ARSG: variants seen among roughly 807,000 people sequenced by gnomAD.
ARSG encodes the protein arylsulfatase G.
Under a neutral mutation model 50.5 loss-of-function variants are expected in ARSG, and 37 were observed. The observed-to-expected ratio is 0.73, with a 90% CI of 0.56 to 0.96. The LOEUF (loss-of-function observed/expected upper bound fraction) is 0.96, where lower values mean the gene tolerates loss of function less well. ARSG is among the 50% of genes least tolerant of loss of function. ARSG has a pLI of 0.00. For synonymous variants in ARSG, 225 were observed against 254.6 expected (o/e 0.88, Z 1.11); for missense variants, 629 against 675.3 (o/e 0.93, Z 0.76).
chr17:68,278,781 G>A (rs185838566), intron 1 of ARSG, among the ~76,000 whole-genome samples: 15 of 151,876 alleles, frequency 9.9e-5, no homozygotes, highest in Non-Finnish European at 1.6e-4. Flanking sequence ...CATCACACCC[G>A]GCTAATTTTT....
In ARSG at chr17:68,385,167, G is replaced by C. The variant is rs758115040; in HGVS notation, c.1086G>C (p.Leu362Phe). 2.5e-6 allele frequency: 4 copies of C among 1,613,708 alleles called. No individual in the cohort carries two copies. In the South Asian group the frequency reaches 4.4e-5, roughly 18 times the overall value. The change falls in exon 9 of 12, where the codon TTG becomes TTC. Residue 362 changes from leucine (L) to phenylalanine (F), a missense_variant. Transcript: ENST00000621439. ...RVPVNVTSTA[L>F]LSVLDIFPTV... ...CAGTTAATGTCACCAGCACTGCCTT[G>C]TTAAGGTATGAGACCAAAACTACCT...
the ARSG span, chr17:68,430,083 T>C: frequency 6.2e-7 from 1 of 1,614,166 alleles, no homozygotes; most frequent in South Asian, 1.1e-5. Flanking sequence ...GTCTGACACC[T>C]GGGTAGGGAG....
chr17:68,344,306 G>A (rs1369139697), intron 3 of ARSG, among the ~76,000 whole-genome samples: 3 of 152,150 alleles, frequency 2.0e-5, no homozygotes, highest in Non-Finnish European at 2.9e-5. Flanking sequence ...GAGAAACTGG[G>A]GACAGCATTG....
intron 10 of ARSG, 129 bp from the exon 11 acceptor site, chr17:68,401,231 C>T: frequency 3.9e-6 from 3 of 764,952 alleles, no homozygotes; most frequent in South Asian, 1.6e-5. Context: ...CTGTGTTGCC[C>T]AGGCTGGTTT....
At chr17:68,435,084 G>A in the ARSG span, among the ~76,000 whole-genome samples, 9 of 152,044 alleles carry the variant, frequency 5.9e-5, no homozygotes, top group African/African-American at 2.2e-4. Flanking sequence ...GCATGTGCCT[G>A]TAATCTCAGC....
chr17:68,352,118 AGGAGAGAGAGAGAGAGAGACAGAGG>A (rs2078807546), intron 5 of ARSG, among the ~76,000 whole-genome samples: 1 of 71,688 alleles, frequency 1.4e-5, no homozygotes, highest in African/African-American at 4.8e-5. Flanking sequence ...AGAGAGACAG[AGGAGAGAGAGAGAGAGAGACAGAGG>A]AGAGAGAGAG....
At chr17:68,292,090 C>G (rs112675814) in intron 1 of ARSG, among the ~76,000 whole-genome samples, 4,547 of 152,196 alleles carry the variant, frequency 0.03, 233 homozygotes, top group African/African-American at 0.1. Context: ...GCAGTGGGCC[C>G]CAGGGAGCGA....
chr17:68,346,534 T>C (rs2078512187), intron 3 of ARSG, among the ~76,000 whole-genome samples: 2 of 152,106 alleles, frequency 1.3e-5, no homozygotes, highest in South Asian at 2.1e-4. Context: ...GTTCTGACAC[T>C]GTCAGAGCTC....
chr17:68,376,814 A>G (rs914974137), intron 8 of ARSG, among the ~76,000 whole-genome samples: 2 of 151,796 alleles, frequency 1.3e-5, no homozygotes, highest in Admixed American at 1.3e-4. Context: ...ATCTCCAGGA[A>G]TATCCCCAAG....
intron 8 of ARSG, among the ~76,000 whole-genome samples, chr17:68,377,571 T>A (rs1007036430): frequency 1.3e-5 from 2 of 152,202 alleles, no homozygotes; most frequent in Non-Finnish European, 2.9e-5. Flanking sequence ...GTGGGGGTAC[T>A]GCCCAGGAGG....
intron 8 of ARSG, among the ~76,000 whole-genome samples, chr17:68,382,643 C>A (rs1462130060): frequency 3.3e-5 from 5 of 152,144 alleles, no homozygotes; most frequent in Non-Finnish European, 7.3e-5. Context: ...ATCCTAGGGG[C>A]CGATAGAATG....
rs1393554098 is a variant in ARSG at position 68,378,578 on chromosome 17, A to G, written c.983-6486A>G. 2.0e-5 allele frequency among the ~76,000 whole-genome samples: 3 copies of G among 152,134 alleles called. No homozygotes were observed. In the East Asian group the frequency reaches 5.8e-4, roughly 29 times the overall value. Reference sequence around the variant, plus strand: ...CCTTCTCCCGAAGAAGAAGGGCACGAGTCAGACACCCCTGCTGTCTCTGAG... The same window carrying G: ...CCTTCTCCCGAAGAAGAAGGGCACGGGTCAGACACCCCTGCTGTCTCTGAG... On this transcript the variant is annotated intron_variant, in intron 8 of 11. Transcript: ENST00000621439. The surrounding 1 kb of genome is among the most constrained non-coding windows in gnomAD (Gnocchi z 4.4).
At chr17:68,447,231 A>G in the ARSG span, among the ~76,000 whole-genome samples, 16 of 152,234 alleles carry the variant, frequency 1.1e-4, no homozygotes, top group Admixed American at 1.0e-3. Flanking sequence ...AGGAGACTGC[A>G]AAAGAACTGT....
the ARSG span, chr17:68,433,362 C>A: frequency 2.8e-6 from 3 of 1,080,502 alleles, no homozygotes; most frequent in Non-Finnish European, 4.2e-6. Context: ...CCAAGTGAAG[C>A]CAAGATTGGG....
chr17:68,360,084 C>T (rs528522743), intron 6 of ARSG, among the ~76,000 whole-genome samples: 300 of 152,272 alleles, frequency 2.0e-3, no homozygotes, highest in Non-Finnish European at 2.5e-3. Context: ...ATGCCCCCTC[C>T]GAAGTGGGCA....
chr17:68,421,804 C>T (rs1161432151), downstream of ARSG: 5 of 1,614,206 alleles, frequency 3.1e-6, no homozygotes, highest in East Asian at 2.2e-5. Flanking sequence ...CTTCTGATTT[C>T]CACGGCACAA....
chr17:68,331,201 C>CTTTT lies in ARSG; in HGVS notation c.219-12400_219-12399insTTTT, dbSNP rs1369260395. ...GGTTTCTTTCTTTCTTTCTTTCTTT[C>CTTTT]TTTCTTTCTTTCTTTCTTTCTTTCT... On this transcript the variant is annotated intron_variant, in intron 2 of 11. Transcript: ENST00000621439. Among the ~76,000 whole-genome samples the CTTTT allele has an allele frequency of 8.3e-5, 4 of 48,394 alleles. No individual in the cohort carries two copies. In the East Asian group the frequency reaches 1.7e-3, roughly 21 times the overall value. The allele number at this position is 48,394 out of a possible 152,430, so 31.7% of individuals were successfully genotyped here.
At chr17:68,387,691 C>T (rs764265516) in intron 9 of ARSG, among the ~76,000 whole-genome samples, 3 of 152,288 alleles carry the variant, frequency 2.0e-5, no homozygotes, top group Admixed American at 6.5e-5. Flanking sequence ...CGGCACCCTC[C>T]GCCCAGACTG....
chr17:68,361,793 T>C (rs2079301368), intron 6 of ARSG, among the ~76,000 whole-genome samples: 1 of 152,072 alleles, frequency 6.6e-6, no homozygotes, highest in Non-Finnish European at 1.5e-5. Context: ...GGCACATGCC[T>C]GTAATCCCAG....
Sources: gnomAD v4.1 joint callset for allele counts (sites outside exome capture counted in the v4.1 genomes callset) on GRCh38, gnomAD v4.1.1 for gene constraint, Gnocchi (gnomAD v3.1) non-coding constraint, MANE v1.5 for transcripts, NCBI Gene and HGNC (gene_info 2026-07-23, HGNC 2026-07-21) for gene names.